Variants in FAM193A observed in about 807,000 individuals in gnomAD.
The protein encoded by FAM193A is family with sequence similarity 193 member A, also known as protein FAM193A.
FAM193A carries 22 observed loss-of-function variants against 126.5 expected under a neutral mutation model. That is an observed-to-expected ratio of 0.17 (90% CI 0.12 to 0.25). The LOEUF is 0.25. Ranked by LOEUF, FAM193A falls within the 10% of genes least tolerant of loss-of-function variation. The probability of loss-of-function intolerance (pLI) is 1.00; values close to 1 mark genes in which losing one functional copy is unlikely to be tolerated. For missense variants in FAM193A, 1,675 were observed against 1,672.8 expected (o/e 1.00, Z -0.02); for synonymous variants, 761 against 646.8 (o/e 1.18, Z -2.68).
At chr4:2,581,985 G>C (rs565633987) in intron 1 of FAM193A, among the ~76,000 whole-genome samples, 19 of 152,212 alleles carry the variant, frequency 1.2e-4, no homozygotes, top group African/African-American at 4.3e-4. Context: ...TTCTTTTTCT[G>C]GGTATGGAAG....
chr4:2,717,465 A>G (rs988630695), intron 20 of FAM193A, among the ~76,000 whole-genome samples: 3 of 151,938 alleles, frequency 2.0e-5, no homozygotes, highest in African/African-American at 4.8e-5. Flanking sequence ...ACGTGGTGAC[A>G]AGAGCCTGTA....
At chr4:2,582,705 G>T (rs1349570386) in intron 1 of FAM193A, among the ~76,000 whole-genome samples, 3 of 152,020 alleles carry the variant, frequency 2.0e-5, no homozygotes, top group Non-Finnish European at 2.9e-5. Context: ...GTTGGCCTCA[G>T]TTTATTATTT....
chr4:2,608,904 T>C (rs139776762), intron 2 of FAM193A, among the ~76,000 whole-genome samples: 4,489 of 151,494 alleles, frequency 0.03, 227 homozygotes, highest in African/African-American at 0.1. Flanking sequence ...TTTTTTTTTT[T>C]TTTTGAGACA....
intron 1 of FAM193A, among the ~76,000 whole-genome samples, chr4:2,563,941 T>C (rs1383912475): frequency 3.9e-5 from 6 of 152,190 alleles, no homozygotes; most frequent in Admixed American, 2.0e-4. Flanking sequence ...TTTATAAAAT[T>C]GTATTAAGCT....
chr4:2,651,042 C>T (rs1745613259), intron 7 of FAM193A, among the ~76,000 whole-genome samples: 1 of 152,140 alleles, frequency 6.6e-6, no homozygotes, highest in South Asian at 2.1e-4. Flanking sequence ...CTATAAAGAA[C>T]TACCTGAGAC....
chr4:2,565,117 A>G (rs1341637048), intron 1 of FAM193A, among the ~76,000 whole-genome samples: 1 of 151,848 alleles, frequency 6.6e-6, no homozygotes, highest in Admixed American at 6.6e-5. Flanking sequence ...GTATTTTTAT[A>G]GGTGTTAGCC....
At chr4:2,674,556 T>C (rs908723572) in intron 13 of FAM193A, among the ~76,000 whole-genome samples, 1 of 152,174 alleles carries the variant, frequency 6.6e-6, no homozygotes, top group East Asian at 1.9e-4. Context: ...TTTGCATTGT[T>C]GGGGCCTTGG....
In FAM193A at chr4:2,693,228, C is replaced by T. The variant is rs186407192; in HGVS notation, c.2804-358C>T. Among the ~76,000 whole-genome samples, 224 of 152,082 alleles carry T rather than the reference C, an allele frequency of 1.5e-3. 1 individual carries two copies. Among genetic ancestry groups the T allele is most frequent in the Admixed American group, 5.4e-3 (83 of 15,274 alleles). On this transcript the variant is annotated intron_variant, in intron 15 of 20. Transcript: ENST00000637812. ...AGAGATGCGGTTTCACTGTGTTAGT[C>T]AGGCTGGTCTCGATCTCCTGACCTC...
At chr4:2,697,150 C>T (rs1717134360) in intron 18 of FAM193A, among the ~76,000 whole-genome samples, 1 of 152,056 alleles carries the variant, frequency 6.6e-6, no homozygotes, top group Non-Finnish European at 1.5e-5. Flanking sequence ...TGAGCAGTTC[C>T]CTCCTTACCA....
intron 2 of FAM193A, among the ~76,000 whole-genome samples, chr4:2,607,355 T>C (rs1467146386): frequency 6.6e-6 from 1 of 152,190 alleles, no homozygotes; most frequent in Non-Finnish European, 1.5e-5. Flanking sequence ...TTCACTCTTT[T>C]CCCCACCATT....
chr4:2,672,693 C>T (rs1713957287), intron 13 of FAM193A, among the ~76,000 whole-genome samples: 1 of 152,220 alleles, frequency 6.6e-6, no homozygotes, highest in African/African-American at 2.4e-5. Flanking sequence ...CAGTAATCTA[C>T]TTGTGATCTT....
At chr4:2,581,265 T>C (rs958014507) in intron 1 of FAM193A, among the ~76,000 whole-genome samples, 4 of 150,784 alleles carry the variant, frequency 2.7e-5, no homozygotes, top group African/African-American at 9.7e-5. Context: ...CTTTTTTTTT[T>C]TTTTTGGAGG....
intron 1 of FAM193A, among the ~76,000 whole-genome samples, chr4:2,584,596 C>T (rs189001563): frequency 2.0e-5 from 3 of 152,234 alleles, no homozygotes; most frequent in South Asian, 2.1e-4. Flanking sequence ...CTAAAGGCTA[C>T]TACTCGATTA....
intron 12 of FAM193A, among the ~76,000 whole-genome samples, chr4:2,666,996 C>T (rs1713194583): frequency 6.6e-6 from 1 of 152,184 alleles, no homozygotes; most frequent in South Asian, 2.1e-4. Context: ...GTTTTGCTTG[C>T]TCTTCCTTTT....
At chr4:2,550,710 A>G (rs1289290186) in intron 1 of FAM193A, among the ~76,000 whole-genome samples, 1 of 152,092 alleles carries the variant, frequency 6.6e-6, no homozygotes, top group East Asian at 1.9e-4. Context: ...TGCTGGGATT[A>G]CAGGCATGAG....
chr4:2,713,172 C>T (rs917139159), intron 19 of FAM193A, among the ~76,000 whole-genome samples: 19 of 150,264 alleles, frequency 1.3e-4, no homozygotes, highest in African/African-American at 2.2e-4. Flanking sequence ...TTTGGGAGGC[C>T]GAGGGGGGCA....
intron 6 of FAM193A, among the ~76,000 whole-genome samples, chr4:2,642,046 T>C (rs1212898176): frequency 6.7e-5 from 10 of 149,996 alleles, no homozygotes; most frequent in African/African-American, 2.0e-4. Context: ...ATGCCAGCAC[T>C]TTGGGAGGTC....
intron 1 of FAM193A, among the ~76,000 whole-genome samples, chr4:2,558,335 T>A (rs1738391179): frequency 1.3e-5 from 2 of 151,116 alleles, no homozygotes; most frequent in South Asian, 4.2e-4. Context: ...TTCCTAAAAA[T>A]ACTTGGTAAT....
intron 1 of FAM193A, among the ~76,000 whole-genome samples, chr4:2,544,170 G>A (rs191312910): frequency 2.0e-5 from 3 of 152,106 alleles, no homozygotes; most frequent in Non-Finnish European, 2.9e-5. Context: ...AGTTTAAATG[G>A]TTACCATACA....
Sources: gnomAD v4.1 joint callset for allele counts (sites outside exome capture counted in the v4.1 genomes callset) on GRCh38, gnomAD v4.1.1 for gene constraint, MANE v1.5 for transcripts, NCBI Gene and HGNC (gene_info 2026-07-23, HGNC 2026-07-21) for gene names.